Variants in MTMR7 observed in about 807,000 individuals in gnomAD.
The protein encoded by MTMR7 is myotubularin related protein 7.
MTMR7 carries 76 observed loss-of-function variants against 81.2 expected under a neutral mutation model. That is an observed-to-expected ratio of 0.94 (90% CI 0.78 to 1.13). The LOEUF (loss-of-function observed/expected upper bound fraction) is 1.13, where lower values mean the gene tolerates loss of function less well. Among genes scored for constraint, MTMR7 ranks in the 50% most tolerant of loss-of-function variants. The probability of loss-of-function intolerance (pLI) is 0.00; values close to 1 mark genes in which losing one functional copy is unlikely to be tolerated. For missense variants in MTMR7, 1,044 were observed against 820.0 expected, an observed-to-expected ratio of 1.27 and a Z score of -3.34; for synonymous variants, 372 against 289.8, an observed-to-expected ratio of 1.28 and a Z score of -2.88.
chr8:17,366,005 A>G (rs1303937723), intron 3 of MTMR7, among the ~76,000 whole-genome samples: 1 of 152,094 alleles, frequency 6.6e-6, no homozygotes, highest in African/African-American at 2.4e-5. Context: ...CCCTTAACCT[A>G]GGGAAGCCTA....
At chr8:17,404,429 T>C (rs1002920246) in intron 1 of MTMR7, among the ~76,000 whole-genome samples, 5 of 152,154 alleles carry the variant, frequency 3.3e-5, no homozygotes, top group African/African-American at 1.2e-4. Flanking sequence ...ATATACAAAT[T>C]ATTTTCTTAA....
chr8:17,407,688 G>C (rs1175765114), intron 1 of MTMR7, among the ~76,000 whole-genome samples: 1 of 151,914 alleles, frequency 6.6e-6, no homozygotes, highest in African/African-American at 2.4e-5. Flanking sequence ...AAATTGAACT[G>C]GGTGATCCTA....
At chr8:17,341,706 T>G (rs1819413522) in intron 5 of MTMR7, among the ~76,000 whole-genome samples, 1 of 152,216 alleles carries the variant, frequency 6.6e-6, no homozygotes, top group South Asian at 2.1e-4. Flanking sequence ...AGAACCTGTC[T>G]GTGCAAAATA....
At chr8:17,401,638 C>G (rs1011533793) in intron 1 of MTMR7, among the ~76,000 whole-genome samples, 1 of 151,826 alleles carries the variant, frequency 6.6e-6, no homozygotes, top group Non-Finnish European at 1.5e-5. Context: ...GGTGCGATAA[C>G]CTGGATATAT....
intron 1 of MTMR7, among the ~76,000 whole-genome samples, chr8:17,396,795 G>A (rs1821266638): frequency 6.6e-6 from 1 of 151,884 alleles, no homozygotes; most frequent in African/African-American, 2.4e-5. Context: ...CCCAGGCAGT[G>A]CCTCTGGAAG....
At chr8:17,390,182 G>A (rs890303313) in intron 1 of MTMR7, among the ~76,000 whole-genome samples, 2 of 152,062 alleles carry the variant, frequency 1.3e-5, no homozygotes, top group African/African-American at 2.4e-5. Context: ...ATCGGCTCGT[G>A]GTTCTGCAGG....
chr8:17,363,311 T>G (rs1470227108), intron 3 of MTMR7, among the ~76,000 whole-genome samples: 1 of 152,236 alleles, frequency 6.6e-6, no homozygotes, highest in African/African-American at 2.4e-5. Context: ...AGGAATCTCT[T>G]GAGAAAGCCT....
At chr8:17,391,178 A>G (rs1453010646) in intron 1 of MTMR7, among the ~76,000 whole-genome samples, 1 of 152,084 alleles carries the variant, frequency 6.6e-6, no homozygotes, top group Non-Finnish European at 1.5e-5. Flanking sequence ...AACAAGTAGG[A>G]GATGAGGTGC....
chr8:17,356,501 C>G (rs957380435), intron 4 of MTMR7, among the ~76,000 whole-genome samples: 2 of 151,974 alleles, frequency 1.3e-5, no homozygotes, highest in Non-Finnish European at 2.9e-5. Flanking sequence ...GAGTTCAAGA[C>G]CAGCCTGGCC....
intron 4 of MTMR7, among the ~76,000 whole-genome samples, chr8:17,359,145 G>A (rs901953718): frequency 1.8e-4 from 28 of 151,932 alleles, no homozygotes; most frequent in Middle Eastern, 3.2e-3. Context: ...CAGTCCCCTC[G>A]CCATGGCTTC....
chr8:17,299,669 TA>T lies in MTMR7; in HGVS notation c.*192del, dbSNP rs1816969163. On this transcript the variant is annotated 3_prime_UTR_variant, in exon 14 of 14. Transcript: ENST00000180173. ...GGTGAATAATTTTCCTTATATTTGA[TA>T]AATGAAATGACTACGTCCTCTTCAG... The T allele has an allele frequency of 1.5e-6, 1 of 688,252 alleles. No homozygotes were observed. Among genetic ancestry groups the T allele is most frequent in the African/African-American group, 1.8e-5 (1 of 55,470 alleles). The allele number at this position is 688,252 out of a possible 1,614,324, so 42.6% of individuals were successfully genotyped here. A position where few individuals can be genotyped will look rare whatever the true frequency, so the allele number is the denominator to read the frequency against.
chr8:17,378,242 G>T (rs1820649733), intron 1 of MTMR7, among the ~76,000 whole-genome samples: 1 of 152,020 alleles, frequency 6.6e-6, no homozygotes, highest in African/African-American at 2.4e-5. Flanking sequence ...AAAGAAATAA[G>T]GAGGGGAACA....
intron 7 of MTMR7, among the ~76,000 whole-genome samples, chr8:17,316,410 T>C (rs1241274743): frequency 6.6e-6 from 1 of 150,664 alleles, no homozygotes; most frequent in African/African-American, 2.4e-5. Context: ...TATTTATCCA[T>C]CCCCCTACTG....
intron 5 of MTMR7, among the ~76,000 whole-genome samples, chr8:17,342,831 G>C (rs991022541): frequency 2.0e-5 from 3 of 152,090 alleles, no homozygotes; most frequent in African/African-American, 7.2e-5. Context: ...ACTCCAGGGT[G>C]GCTCATTCCT....
chr8:17,372,314 C>A (rs2157638), intron 2 of MTMR7, among the ~76,000 whole-genome samples: 1 of 152,188 alleles, frequency 6.6e-6, no homozygotes, highest in East Asian at 1.9e-4. Context: ...CACACGGTGG[C>A]TCATGCCTGT....
chr8:17,411,549 G>A (rs1438465964), intron 1 of MTMR7, among the ~76,000 whole-genome samples: 1 of 152,162 alleles, frequency 6.6e-6, no homozygotes, highest in African/African-American at 2.4e-5. Flanking sequence ...TCCAACCTCT[G>A]TAATTTCTTA....
intron 5 of MTMR7, among the ~76,000 whole-genome samples, chr8:17,342,226 C>T (rs151192698): frequency 1.1e-3 from 167 of 152,290 alleles, no homozygotes; most frequent in Non-Finnish European, 1.9e-3. Context: ...TAGTACAGAT[C>T]CTACCTTGCA....
intron 6 of MTMR7, among the ~76,000 whole-genome samples, chr8:17,335,590 G>C (rs1055832342): frequency 2.6e-5 from 4 of 152,192 alleles, no homozygotes; most frequent in Admixed American, 1.3e-4. Flanking sequence ...CTTGGCAGGA[G>C]GGGGACTTGG....
At chr8:17,383,810 C>T (rs757333364) in intron 1 of MTMR7, among the ~76,000 whole-genome samples, 5 of 151,574 alleles carry the variant, frequency 3.3e-5, no homozygotes, top group East Asian at 1.9e-4. Flanking sequence ...ATTCTCTGGG[C>T]GGAGCTCTGA....
Sources: gnomAD v4.1 joint callset for allele counts (sites outside exome capture counted in the v4.1 genomes callset) on GRCh38, gnomAD v4.1.1 for gene constraint, MANE v1.5 for transcripts, NCBI Gene and HGNC (gene_info 2026-07-23, HGNC 2026-07-21) for gene names.